The following VAV3 variants were observed in gnomAD, a reference collection of about 807,000 sequenced individuals.
VAV3 encodes vav guanine nucleotide exchange factor 3.
A neutral mutation model predicts 131.2 loss-of-function variants in VAV3; 94 were observed. The observed-to-expected ratio is 0.72, with a 90% confidence interval of 0.61 to 0.85. VAV3 has a LOEUF of 0.85. Among genes scored for constraint, VAV3 ranks in the 40% least tolerant of loss-of-function variants. The pLI is 0.00. For synonymous variants in VAV3, 349 were observed against 342.0 expected (o/e 1.02, Z -0.22); for missense variants, 939 against 1,002.7 (o/e 0.94, Z 0.86).
At chr1:107,680,176 G>C (rs1054241386) in intron 19 of VAV3, among the ~76,000 whole-genome samples, 1 of 151,806 alleles carries the variant, frequency 6.6e-6, no homozygotes, top group African/African-American at 2.4e-5. Context: ...TTTCAATATT[G>C]GGAGTTTTTC....
At chr1:107,929,628 A>G (rs902752913) in intron 1 of VAV3, among the ~76,000 whole-genome samples, 1 of 152,224 alleles carries the variant, frequency 6.6e-6, no homozygotes, top group Non-Finnish European at 1.5e-5. Flanking sequence ...ACTTTTCCAG[A>G]CAGACAGTAC....
At chr1:107,952,890 G>A (rs1674624899) in intron 1 of VAV3, among the ~76,000 whole-genome samples, 2 of 151,918 alleles carry the variant, frequency 1.3e-5, no homozygotes, top group Admixed American at 6.6e-5. Flanking sequence ...GAAAGTAGAG[G>A]GGCTATAAAA....
chr1:107,796,060 C>CT (rs901237719), intron 2 of VAV3, among the ~76,000 whole-genome samples: 45 of 147,346 alleles, frequency 3.1e-4, no homozygotes, highest in Non-Finnish European at 4.1e-4. Context: ...AAAGCTTAAT[C>CT]TTTTTTTTTT....
chr1:107,871,931 G>A (rs1473812677), intron 2 of VAV3, among the ~76,000 whole-genome samples: 1 of 152,138 alleles, frequency 6.6e-6, no homozygotes, highest in Non-Finnish European at 1.5e-5. Context: ...AACCACCACT[G>A]GGCTGCAGAC....
intron 12 of VAV3, among the ~76,000 whole-genome samples, chr1:107,755,111 G>C (rs534273532): frequency 1.3e-5 from 2 of 151,988 alleles, no homozygotes; most frequent in East Asian, 3.9e-4. Context: ...TAAATGAATA[G>C]GAATCAGCCA....
At chr1:107,758,381 G>A (rs1664230344) in intron 10 of VAV3, among the ~76,000 whole-genome samples, 2 of 151,990 alleles carry the variant, frequency 1.3e-5, no homozygotes, top group Admixed American at 6.6e-5. Context: ...ATCAGCCTGG[G>A]CAACATGACA....
intron 1 of VAV3, among the ~76,000 whole-genome samples, chr1:107,942,143 T>A (rs931296486): frequency 6.6e-6 from 1 of 152,194 alleles, no homozygotes; most frequent in African/African-American, 2.4e-5. Context: ...TATGTTATGC[T>A]GGCATCGCTG....
At chr1:107,657,490 C>T (rs910946864) in intron 19 of VAV3, among the ~76,000 whole-genome samples, 5 of 152,234 alleles carry the variant, frequency 3.3e-5, no homozygotes, top group African/African-American at 4.8e-5. Context: ...TAGAAAAGGA[C>T]GGCTAAGAAA....
At chr1:107,709,864 T>C (rs1233766281) in intron 15 of VAV3, among the ~76,000 whole-genome samples, 1 of 152,216 alleles carries the variant, frequency 6.6e-6, no homozygotes, top group African/African-American at 2.4e-5. Flanking sequence ...GTGAGTCAAT[T>C]AAATCTCTTT....
At chr1:107,954,207 A>G (rs1259372417) in intron 1 of VAV3, among the ~76,000 whole-genome samples, 2 of 152,192 alleles carry the variant, frequency 1.3e-5, no homozygotes, top group Non-Finnish European at 2.9e-5. Context: ...TACAAAAAGA[A>G]TATTTATAAT....
At chr1:107,717,740 G>C (rs1041586985) in intron 15 of VAV3, among the ~76,000 whole-genome samples, 11 of 152,200 alleles carry the variant, frequency 7.2e-5, no homozygotes, top group Non-Finnish European at 8.8e-5. Context: ...GAGTTCTGTA[G>C]ATGTCTATTA....
intron 24 of VAV3, among the ~76,000 whole-genome samples, chr1:107,599,831 A>G (rs1305526980): frequency 1.3e-5 from 1 of 78,326 alleles, no homozygotes; most frequent in Non-Finnish European, 3.1e-5. Context: ...ACTAATACCA[A>G]TAACAAGAGG....
intron 2 of VAV3, among the ~76,000 whole-genome samples, chr1:107,842,361 G>T (rs139623540): frequency 2.1e-4 from 32 of 152,300 alleles, no homozygotes; most frequent in African/African-American, 7.5e-4. Context: ...GGAGTGAACA[G>T]CTGACTCAAG....
intron 2 of VAV3, among the ~76,000 whole-genome samples, chr1:107,804,165 T>C (rs1225222996): frequency 1.3e-5 from 2 of 152,140 alleles, no homozygotes; most frequent in Non-Finnish European, 2.9e-5. Context: ...AGGAAGCATA[T>C]AGTTAGGTCT....
chr1:107,891,488 C>T (rs12043700), intron 1 of VAV3, among the ~76,000 whole-genome samples: 1 of 151,838 alleles, frequency 6.6e-6, no homozygotes, highest in South Asian at 2.1e-4. Context: ...CAAATCCTGG[C>T]TCTGCCATCA....
chr1:107,854,944 C>T (rs1165231375), intron 2 of VAV3, among the ~76,000 whole-genome samples: 3 of 152,202 alleles, frequency 2.0e-5, no homozygotes, highest in Middle Eastern at 3.2e-3. Context: ...CCCTACATAG[C>T]GACCGAGCAT....
intron 19 of VAV3, among the ~76,000 whole-genome samples, chr1:107,681,199 C>A (rs1027795029): frequency 2.6e-5 from 4 of 151,988 alleles, no homozygotes; most frequent in Admixed American, 6.6e-5. Context: ...CCTGCAAAGT[C>A]ATGTGTTGAC....
chr1:107,921,882 T>C (rs1160388811), intron 1 of VAV3, among the ~76,000 whole-genome samples: 3 of 152,178 alleles, frequency 2.0e-5, no homozygotes, highest in African/African-American at 7.2e-5. Flanking sequence ...AATTAAAATG[T>C]TAGTGCTATT....
At chr1:107,717,992 A>G (rs1459606949) in intron 15 of VAV3, among the ~76,000 whole-genome samples, 1 of 152,098 alleles carries the variant, frequency 6.6e-6, no homozygotes, top group Non-Finnish European at 1.5e-5. Flanking sequence ...CCATTATGTA[A>G]TGGCCTTCTT....
Sources: allele counts gnomAD v4.1 joint callset (sites outside exome capture counted in the v4.1 genomes callset), GRCh38; gene constraint gnomAD v4.1.1; transcripts MANE v1.5; gene names NCBI Gene and HGNC (gene_info 2026-07-23, HGNC 2026-07-21).